Variants in THSD7A observed in about 807,000 individuals in gnomAD.
THSD7A encodes the protein thrombospondin type-1 domain-containing protein 7A.
Under a neutral mutation model 231.3 loss-of-function variants are expected in THSD7A, and 96 were observed. That is an observed-to-expected ratio of 0.41 (90% CI 0.35 to 0.49). THSD7A has a LOEUF of 0.49. Ranked by LOEUF, THSD7A falls within the 20% of genes least tolerant of loss-of-function variation. The probability of loss-of-function intolerance (pLI) is 0.05; values close to 1 mark genes in which losing one functional copy is unlikely to be tolerated. For missense variants in THSD7A, 2,290 were observed against 2,070.2 expected, an observed-to-expected ratio of 1.11 and a Z score of -2.06; for synonymous variants, 940 against 743.3, an observed-to-expected ratio of 1.26 and a Z score of -4.30.
chr7:11,460,643 G>C lies in THSD7A; in HGVS notation c.2605+19C>G, dbSNP rs753318639. The C allele has an allele frequency of 1.9e-6, 3 of 1,586,372 alleles. No homozygotes were observed. The highest frequency in any genetic ancestry group is 2.6e-6 in the Non-Finnish European group (3 of 1,164,382). The stretch of plus-strand genomic sequence containing the variant: ...ACTAGCGATGCTGGAGAAATGAACT[G>C]TGGAATGGGGCCTCCCACCTCTTGC... On this transcript the variant is annotated intron_variant, in intron 11 of 27. Coordinates refer to ENST00000423059, the MANE Select transcript of THSD7A (RefSeq NM_015204.3).
chr7:11,744,421 T>TA (rs1203157817), intron 1 of THSD7A, among the ~76,000 whole-genome samples: 22 of 151,348 alleles, frequency 1.5e-4, no homozygotes, highest in African/African-American at 4.9e-4. Context: ...ACCAGGTTTT[T>TA]TTATTATTTT....
At chr7:11,735,108 C>T (rs1486360660) in intron 1 of THSD7A, among the ~76,000 whole-genome samples, 1 of 151,848 alleles carries the variant, frequency 6.6e-6, no homozygotes, top group African/African-American at 2.4e-5. Context: ...ACATATAGTT[C>T]CAGCTCAAAT....
intron 1 of THSD7A, among the ~76,000 whole-genome samples, chr7:11,769,912 C>T (rs1327913335): frequency 1.3e-5 from 2 of 152,018 alleles, no homozygotes; most frequent in Non-Finnish European, 2.9e-5. Flanking sequence ...AAATAAGCAA[C>T]ATTTTTGAAA....
At chr7:11,530,234 G>A (rs1788648638) in intron 6 of THSD7A, among the ~76,000 whole-genome samples, 1 of 152,074 alleles carries the variant, frequency 6.6e-6, no homozygotes, top group African/African-American at 2.4e-5. Flanking sequence ...CACTGTACTG[G>A]GACTTGAGTG....
At chr7:11,797,935 T>C (rs1230384759) in intron 1 of THSD7A, among the ~76,000 whole-genome samples, 1 of 152,154 alleles carries the variant, frequency 6.6e-6, no homozygotes, top group African/African-American at 2.4e-5. Flanking sequence ...AAGAGATTAA[T>C]AATATTTTAA....
chr7:11,539,651 C>G (rs898395193), intron 6 of THSD7A, among the ~76,000 whole-genome samples: 1 of 152,150 alleles, frequency 6.6e-6, no homozygotes, highest in South Asian at 2.1e-4. Context: ...ATAAGTTTCA[C>G]TTAACAAAAT....
Position 11,819,018 on chromosome 7 carries a change from C to G in THSD7A, c.190+12739G>C, listed in dbSNP as rs188462171. On this transcript the variant is annotated intron_variant, in intron 1 of 27. Transcript: ENST00000423059. ...GCTACCTACTCTTGCTACTATTACT[C>G]CTACAATTAAAAGAATGCAGATCTA... Among the ~76,000 whole-genome samples the G allele has an allele frequency of 2.0e-5, 3 of 152,212 alleles. No individual in the cohort carries two copies. The East Asian group carries it at 5.8e-4, about 29-fold the overall frequency.
At chr7:11,426,268 C>T (rs1784319197) in intron 15 of THSD7A, among the ~76,000 whole-genome samples, 2 of 152,098 alleles carry the variant, frequency 1.3e-5, no homozygotes, top group Non-Finnish European at 2.9e-5. Flanking sequence ...ATTTTAAACT[C>T]CTGTACTGAA....
chr7:11,627,718 C>T (rs1781518053), intron 2 of THSD7A, among the ~76,000 whole-genome samples: 1 of 151,998 alleles, frequency 6.6e-6, no homozygotes, highest in Non-Finnish European at 1.5e-5. Flanking sequence ...AAATAGAAGT[C>T]AAGTTATTTT....
At chr7:11,736,579 A>G (rs772294397) in intron 1 of THSD7A, among the ~76,000 whole-genome samples, 18 of 152,074 alleles carry the variant, frequency 1.2e-4, no homozygotes, top group South Asian at 6.2e-4. Context: ...TTGTAAGGCT[A>G]TAATAAGAAA....
rs186645979 is a variant in THSD7A, at chr7:11,666,286, T to C, written c.191-29325A>G. 4.3e-4 allele frequency among the ~76,000 whole-genome samples: 65 copies of C among 152,184 alleles called. 1 individual carries two copies. The East Asian group carries it at 9.1e-3, about 21-fold the overall frequency. ...AACCCATGTCTAAACATGAAATACATTAATGTTTCATATACACCTTATACA... is the reference window on the plus strand; with the variant it reads ...AACCCATGTCTAAACATGAAATACACTAATGTTTCATATACACCTTATACA... On this transcript the variant is annotated intron_variant, in intron 1 of 27. Coordinates refer to ENST00000423059, the MANE Select transcript of THSD7A (RefSeq NM_015204.3).
intron 1 of THSD7A, among the ~76,000 whole-genome samples, chr7:11,708,903 G>A (rs757552055): frequency 2.0e-4 from 30 of 150,576 alleles, no homozygotes; most frequent in Non-Finnish European, 3.6e-4. Flanking sequence ...GGGCAAATAA[G>A]GCATATCAAC....
At chr7:11,698,098 T>G (rs1255594884) in intron 1 of THSD7A, among the ~76,000 whole-genome samples, 1 of 151,434 alleles carries the variant, frequency 6.6e-6, no homozygotes, top group Admixed American at 6.6e-5. Flanking sequence ...TGTCTGATTC[T>G]GTACAATTTC....
intron 1 of THSD7A, among the ~76,000 whole-genome samples, chr7:11,739,044 T>A (rs1036167520): frequency 6.6e-6 from 1 of 152,054 alleles, no homozygotes; most frequent in African/African-American, 2.4e-5. Flanking sequence ...AGATCAGTGT[T>A]GGCCTCATTA....
intron 2 of THSD7A, among the ~76,000 whole-genome samples, chr7:11,620,341 T>C (rs975387670): frequency 1.3e-5 from 2 of 152,218 alleles, no homozygotes; most frequent in African/African-American, 4.8e-5. Context: ...GGCATTGCAG[T>C]TACTTTTGTA....
intron 1 of THSD7A, among the ~76,000 whole-genome samples, chr7:11,694,295 A>G (rs1168435635): frequency 6.6e-6 from 1 of 151,524 alleles, no homozygotes; most frequent in Non-Finnish European, 1.5e-5. Flanking sequence ...AAGTAGCCCA[A>G]CTGTATGTTT....
chr7:11,716,538 T>C (rs1781143417), intron 1 of THSD7A, among the ~76,000 whole-genome samples: 1 of 151,648 alleles, frequency 6.6e-6, no homozygotes, highest in African/African-American at 2.4e-5. Context: ...TTCTAGGCTT[T>C]GGTAACTTGG....
At chr7:11,668,273 C>A (rs1783227059) in intron 1 of THSD7A, among the ~76,000 whole-genome samples, 3 of 152,004 alleles carry the variant, frequency 2.0e-5, no homozygotes, top group Middle Eastern at 3.4e-3. Flanking sequence ...AAAAAATTAG[C>A]CTGGTCTAGT....
intron 6 of THSD7A, among the ~76,000 whole-genome samples, chr7:11,522,186 A>G (rs1405798283): frequency 2.0e-5 from 3 of 152,132 alleles, no homozygotes; most frequent in African/African-American, 7.2e-5. Flanking sequence ...GGCATTCGTA[A>G]TAACATATTC....
Sources: gnomAD v4.1 joint callset for allele counts (sites outside exome capture counted in the v4.1 genomes callset) on GRCh38, gnomAD v4.1.1 for gene constraint, MANE v1.5 for transcripts, NCBI Gene and HGNC (gene_info 2026-07-23, HGNC 2026-07-21) for gene names.